STXBP5L: variants seen among roughly 807,000 people sequenced by gnomAD.
STXBP5L encodes the protein syntaxin-binding protein 5-like.
In STXBP5L, 65 loss-of-function variants were observed where a neutral mutation model predicts 144.5. The ratio of observed to expected loss-of-function variants is 0.45; its 90% CI spans 0.37 to 0.55. The LOEUF (loss-of-function observed/expected upper bound fraction) is 0.55, where lower values mean the gene tolerates loss of function less well. STXBP5L is among the 20% of genes least tolerant of loss of function. The pLI is 0.00. For synonymous variants in STXBP5L, 505 were observed against 469.6 expected, an observed-to-expected ratio of 1.08 and a Z score of -0.97; for missense variants, 1,298 against 1,405.5, an observed-to-expected ratio of 0.92 and a Z score of 1.22.
chr3:121,296,762 A>G (rs1471437491), intron 19 of STXBP5L, among the ~76,000 whole-genome samples: 1 of 152,174 alleles, frequency 6.6e-6, no homozygotes, highest in East Asian at 1.9e-4. Context: ...GGACTGACCT[A>G]TAGATTGGAA....
chr3:121,190,723 G>T (rs1258357713), intron 9 of STXBP5L, among the ~76,000 whole-genome samples: 1 of 151,914 alleles, frequency 6.6e-6, no homozygotes, highest in Admixed American at 6.5e-5. Flanking sequence ...CCGGGCGGGG[G>T]CTGCCCCCCA....
chr3:121,396,955 T>C lies in STXBP5L; in HGVS notation c.2588-10288T>C, dbSNP rs780352926. ...AATTAACTGTGTGGAATGAACCACATATGAAGAATCAGAAATCACATTAAT... is the reference window on the plus strand; with the variant it reads ...AATTAACTGTGTGGAATGAACCACACATGAAGAATCAGAAATCACATTAAT... On this transcript the variant is annotated intron_variant, in intron 22 of 26. Transcript: ENST00000471454. Among the ~76,000 whole-genome samples the C allele has an allele frequency of 3.4e-4, 52 of 152,244 alleles. 1 individual carries two copies. The highest frequency in any genetic ancestry group is 1.5e-4 in the Non-Finnish European group (10 of 68,046).
chr3:121,212,281 T>C (rs1166146500), intron 10 of STXBP5L, among the ~76,000 whole-genome samples: 1 of 152,226 alleles, frequency 6.6e-6, no homozygotes, highest in Non-Finnish European at 1.5e-5. Flanking sequence ...AGTTATGAAG[T>C]GTTTGCCCAT....
intron 3 of STXBP5L, among the ~76,000 whole-genome samples, chr3:120,995,712 T>G (rs1017726725): frequency 6.6e-6 from 1 of 152,118 alleles, no homozygotes. Context: ...ATAATTTTCT[T>G]AAGTATTTTT....
chr3:121,291,403 GGAC>G (rs2051434004), intron 19 of STXBP5L, among the ~76,000 whole-genome samples: 1 of 151,900 alleles, frequency 6.6e-6, no homozygotes, highest in Admixed American at 6.6e-5. Context: ...AATAAATAAT[GGAC>G]AACACAAACA....
chr3:121,342,923 C>T (rs1359200327), intron 20 of STXBP5L, among the ~76,000 whole-genome samples: 1 of 150,216 alleles, frequency 6.7e-6, no homozygotes, highest in Non-Finnish European at 1.5e-5. Flanking sequence ...AATCGCCACA[C>T]TGACTTCCAC....
At chr3:121,064,638 TAG>T (rs2041454625) in intron 5 of STXBP5L, among the ~76,000 whole-genome samples, 1 of 152,238 alleles carries the variant, frequency 6.6e-6, no homozygotes, top group Admixed American at 6.5e-5. Context: ...TTTATTTGCT[TAG>T]AGTCTTTGCT....
intron 19 of STXBP5L, chr3:121,282,329 C>T: frequency 1.2e-6 from 2 of 1,611,342 alleles, no homozygotes; most frequent in Non-Finnish European, 1.7e-6. Flanking sequence ...ATCCGTACTT[C>T]CTATCAGAGT....
intron 20 of STXBP5L, among the ~76,000 whole-genome samples, chr3:121,346,437 C>A (rs2044987962): frequency 6.6e-6 from 1 of 152,040 alleles, no homozygotes; most frequent in Non-Finnish European, 1.5e-5. Context: ...TTTATAGCAG[C>A]ATTATTTATA....
chr3:121,124,811 T>A (rs988091821), intron 7 of STXBP5L, among the ~76,000 whole-genome samples: 1 of 152,110 alleles, frequency 6.6e-6, no homozygotes, highest in Non-Finnish European at 1.5e-5. Context: ...TAAAAATGGT[T>A]TTAGTGGGAA....
chr3:121,318,447 A>G, intron 19 of STXBP5L, 28 bp from the exon 20 acceptor site: 1 of 1,520,106 alleles, frequency 6.6e-7, no homozygotes, highest in Non-Finnish European at 8.8e-7. Context: ...AGCAAAATTT[A>G]TCTCATTTTT....
intron 19 of STXBP5L, among the ~76,000 whole-genome samples, chr3:121,301,581 T>C (rs2051909595): frequency 6.6e-6 from 1 of 152,190 alleles, no homozygotes; most frequent in Non-Finnish European, 1.5e-5. Flanking sequence ...TCCAACACTA[T>C]GTTGAATAGG....
chr3:121,350,121 G>T (rs896631374), intron 20 of STXBP5L, among the ~76,000 whole-genome samples: 1 of 152,040 alleles, frequency 6.6e-6, no homozygotes, highest in African/African-American at 2.4e-5. Flanking sequence ...CATGTTCAGT[G>T]CTTCCTTCAG....
At chr3:121,394,341 G>A (rs2046670988) in intron 22 of STXBP5L, among the ~76,000 whole-genome samples, 1 of 151,404 alleles carries the variant, frequency 6.6e-6, no homozygotes, top group Non-Finnish European at 1.5e-5. Context: ...GGGTTTTCTA[G>A]TTATAAGGTC....
At chr3:121,356,814 C>A (rs1441900519) in intron 20 of STXBP5L, among the ~76,000 whole-genome samples, 2 of 152,118 alleles carry the variant, frequency 1.3e-5, no homozygotes, top group Admixed American at 1.3e-4. Flanking sequence ...TCCTATTTGG[C>A]CATCTTGGAA....
intron 9 of STXBP5L, among the ~76,000 whole-genome samples, chr3:121,194,022 T>C (rs904924942): frequency 9.9e-5 from 15 of 152,122 alleles, no homozygotes; most frequent in African/African-American, 1.9e-4. Flanking sequence ...CTTTAGTAAA[T>C]GTTTTATTGA....
intron 13 of STXBP5L, among the ~76,000 whole-genome samples, chr3:121,239,764 C>T (rs1197049754): frequency 1.3e-5 from 2 of 149,948 alleles, no homozygotes; most frequent in East Asian, 2.0e-4. Context: ...TGCTAGATGA[C>T]GAGTTAGTGG....
Position 121,053,536 on chromosome 3 carries a change from C to T in STXBP5L, c.470+8001C>T, listed in dbSNP as rs538804627. 5.9e-5 allele frequency among the ~76,000 whole-genome samples: 9 copies of T among 152,286 alleles called. No homozygotes were observed. In the East Asian group the frequency reaches 1.5e-3, roughly 26 times the overall value. On this transcript the variant is annotated intron_variant, in intron 5 of 26. Coordinates refer to ENST00000471454, the MANE Select transcript of STXBP5L (RefSeq NM_001308330.2). ...AATGGTGCTGGGAAAACTGGCTAGA[C>T]ATGTGTAGAAAGCTGAATTTGGATC...
chr3:121,144,189 G>T (rs1172342588), intron 7 of STXBP5L, among the ~76,000 whole-genome samples: 1 of 150,372 alleles, frequency 6.7e-6, no homozygotes, highest in Non-Finnish European at 1.5e-5. Flanking sequence ...ATGGGCTTAA[G>T]TCTTAAATAG....
Sources: allele counts gnomAD v4.1 joint callset (sites outside exome capture counted in the v4.1 genomes callset), GRCh38; gene constraint gnomAD v4.1.1; transcripts MANE v1.5; gene names NCBI Gene and HGNC (gene_info 2026-07-23, HGNC 2026-07-21).